CPLANE1: variants seen among roughly 807,000 people sequenced by gnomAD.
CPLANE1 encodes the protein ciliogenesis and planar polarity effector 1.
CPLANE1 carries 263 observed loss-of-function variants against 362.5 expected under a neutral mutation model. That is an observed-to-expected ratio of 0.73 (90% CI 0.66 to 0.80). The LOEUF (loss-of-function observed/expected upper bound fraction) is 0.80, where lower values mean the gene tolerates loss of function less well. CPLANE1 is among the 30% of genes least tolerant of loss of function. CPLANE1 has a pLI of 0.00. For missense variants in CPLANE1, 3,461 were observed against 3,793.4 expected, an observed-to-expected ratio of 0.91 and a Z score of 2.30; for synonymous variants, 1,212 against 1,302.6, an observed-to-expected ratio of 0.93 and a Z score of 1.50.
intron 21 of CPLANE1, among the ~76,000 whole-genome samples, chr5:37,190,481 G>A (rs911216204): frequency 2.0e-5 from 3 of 151,804 alleles, no homozygotes; most frequent in Non-Finnish European, 4.4e-5. Flanking sequence ...AGGAGGCTGA[G>A]GTAGAAGGAT....
chr5:37,153,845 A>G lies in CPLANE1; in HGVS notation c.8268T>C (p.Ala2756=). The G allele has an allele frequency of 6.2e-7, 1 of 1,614,146 alleles. No individual in the cohort carries two copies. Among genetic ancestry groups the G allele is most frequent in the Non-Finnish European group, 8.5e-7 (1 of 1,180,028 alleles). Residue 2756 remains alanine (A), a synonymous_variant, in exon 42 of 53, where the codon GCT becomes GCC. Coordinates refer to ENST00000651892, the MANE Select transcript of CPLANE1 (RefSeq NM_001384732.1). The part of the protein sequence containing the change: ...SAAHQLEHLS[A]KLQKIDEQLL... ...ACTGCTCGTCAATTTTCTGAAGCTT[A>G]GCACTGAGATGCTCTAGTTGGTGAG...
At chr5:37,190,407 A>G (rs896606685) in intron 21 of CPLANE1, among the ~76,000 whole-genome samples, 1 of 151,146 alleles carries the variant, frequency 6.6e-6, no homozygotes, top group African/African-American at 2.5e-5. Context: ...GTCTTTATGA[A>G]AAAATGAAAA....
At position 37,138,781 on chromosome 5, in the gene CPLANE1, T is replaced by C. The variant is rs1291503086; in HGVS notation, c.8731A>G (p.Ile2911Val). Residue 2911 changes from isoleucine to valine, a missense_variant, in exon 46 of 53, where the codon ATT becomes GTT. Physicochemically the swap from Ile to Val is conservative, Grantham distance 29. Around this residue, in one of 2 missense-constraint regions of CPLANE1, gnomAD observed 3,380 missense variants for 3,666.1 expected, o/e 0.92. Coordinates refer to ENST00000651892, the MANE Select transcript of CPLANE1 (RefSeq NM_001384732.1). ...DIADIIDDLI[I>V]KDGVSSEELG... ...TCTTCACTGGAAACTCCGTCTTTAA[T>C]TATAAGGTCATCAATAATGTCTGCA... 1.2e-6 allele frequency: 2 copies of C among 1,613,274 alleles called. No homozygotes were observed. The highest frequency in any genetic ancestry group is 2.7e-5 in the African/African-American group (2 of 74,918).
intron 40 of CPLANE1, 63 bp from the exon 41 acceptor site, chr5:37,157,483 A>C (rs2150705696): frequency 7.9e-7 from 1 of 1,273,742 alleles, no homozygotes; most frequent in Non-Finnish European, 1.1e-6. Context: ...TATGAAAAGC[A>C]TTCAAAGACT....
At chr5:37,131,127 T>C (rs1765662845) in intron 46 of CPLANE1, among the ~76,000 whole-genome samples, 1 of 152,252 alleles carries the variant, frequency 6.6e-6, no homozygotes, top group Non-Finnish European at 1.5e-5. Context: ...TTGATAACTT[T>C]CCTTTTATAA....
chr5:37,153,524 A>G (rs1384732771), intron 42 of CPLANE1, among the ~76,000 whole-genome samples: 1 of 152,176 alleles, frequency 6.6e-6, no homozygotes, highest in African/African-American at 2.4e-5. Flanking sequence ...GTGGGTAAAG[A>G]CCAGGGATGC....
At chr5:37,243,264 A>C (rs1378116656) in intron 5 of CPLANE1, 145 bp from the exon 6 acceptor site, 10 of 539,418 alleles carry the variant, frequency 1.9e-5, no homozygotes, top group Non-Finnish European at 2.8e-5. Context: ...ATTAAGCTTA[A>C]GACTAAGTAA....
At chr5:37,114,609 A>G (rs969193051) in intron 51 of CPLANE1, among the ~76,000 whole-genome samples, 2 of 152,098 alleles carry the variant, frequency 1.3e-5, no homozygotes, top group African/African-American at 2.4e-5. Context: ...TTTAAAATTT[A>G]GTATTAAGGG....
Position 37,164,317 on chromosome 5 carries a change from T to G in CPLANE1, c.7544A>C (p.Glu2515Ala), listed in dbSNP as rs1777667503. 3.7e-6 allele frequency: 6 copies of G among 1,612,892 alleles called. No homozygotes were observed. Among genetic ancestry groups the G allele is most frequent in the Non-Finnish European group, 5.1e-6 (6 of 1,178,934 alleles). ...ATCCAAAGGATGGGAACCACAATGT[T>G]CTTGTTGTTCCTAAATGAATTCCCA... ...EIIKKPKEQQ[E>A]HCGSHPLDDF... The change falls in exon 37 of 53, where the codon GAA (glutamate) becomes GCA (alanine). Residue 2515 changes from glutamate (E) to alanine (A), a missense_variant. Physicochemically the swap from Glu to Ala is moderately radical, Grantham distance 107. This residue lies in a region of CPLANE1 where 3,380 missense variants were observed against 3,666.1 expected (regional missense o/e 0.92). Transcript: ENST00000651892.
At position 37,243,731 on chromosome 5, in the gene CPLANE1, TATATA is replaced by T. The variant is rs1488787595; in HGVS notation, c.571-617_571-613del. 2.5e-4 allele frequency among the ~76,000 whole-genome samples: 36 copies of T among 146,520 alleles called. 1 individual carries two copies. In the East Asian group the frequency reaches 4.1e-3, roughly 17 times the overall value. ...TATAATATATAATATACATGTATTA[TATATA>T]ATATATAATATGCATATAATATATA... On this transcript the variant is annotated intron_variant, in intron 5 of 52. Coordinates refer to ENST00000651892, the MANE Select transcript of CPLANE1 (RefSeq NM_001384732.1).
chr5:37,156,630 G>T (rs1775185673), intron 41 of CPLANE1, among the ~76,000 whole-genome samples: 1 of 151,868 alleles, frequency 6.6e-6, no homozygotes, highest in Non-Finnish European at 1.5e-5. Context: ...ACATATATAT[G>T]TATTTTATTA....
In CPLANE1 at chr5:37,169,102, T is replaced by C. The variant is rs1779064194; in HGVS notation, c.6922A>G (p.Ile2308Val). The C allele has an allele frequency of 1.2e-6, 2 of 1,614,134 alleles. No individual in the cohort carries two copies. The highest frequency in any genetic ancestry group is 1.3e-5 in the African/African-American group (1 of 74,940). The change falls in exon 34 of 53, where the codon ATT becomes GTT. Residue 2308 changes from isoleucine to valine, a missense_variant. This residue lies in a region of CPLANE1 where 3,380 missense variants were observed against 3,666.1 expected (regional missense o/e 0.92). Coordinates refer to ENST00000651892, the MANE Select transcript of CPLANE1 (RefSeq NM_001384732.1). ...TTCACATGATTAGGAATTTCTGTAA[T>C]TACAGTTTCTGCCCACGTCTTCTGC... ...VEQKTWAETV[I>V]TEIPNHVNLD...
chr5:37,168,952 C>G lies in CPLANE1; in HGVS notation c.7072G>C (p.Gly2358Arg). The G allele has an allele frequency of 6.2e-7, 1 of 1,614,046 alleles. No individual in the cohort carries two copies. The highest frequency in any genetic ancestry group is 8.5e-7 in the Non-Finnish European group (1 of 1,179,990). Residue 2358 changes from glycine (G) to arginine (R), a missense_variant, in exon 34 of 53, where the codon GGA becomes CGA. Physicochemically the swap from Gly to Arg is moderately radical, Grantham distance 125 (BLOSUM62 -2). Around this residue, in one of 2 missense-constraint regions of CPLANE1, gnomAD observed 3,380 missense variants for 3,666.1 expected, o/e 0.92. Coordinates refer to ENST00000651892, the MANE Select transcript of CPLANE1 (RefSeq NM_001384732.1). ...AGTGGCAGGTATAGTAACGGAAGTC[C>G]AAAGGAATGGTGAGGAGATATCTCA... ...TLEISPHHSF[G>R]LPLLYLPLKP...
At position 37,238,858 on chromosome 5, in the gene CPLANE1, T is replaced by G; in HGVS notation, c.937A>C (p.Arg313=). Residue 313 remains arginine, a splice_region_variant and synonymous_variant, in exon 8 of 53, where the codon AGG becomes CGG. Transcript: ENST00000651892. The part of the protein sequence containing the change: ...KSPVVPATLI[R]SYWVGDISWT... ...AAAGACAGACAAAAGAGTTCTTACC[T>G]AATAAGTGTAGCTGGAACCACGGGA... 1 of 1,480,906 alleles carries G rather than the reference T, an allele frequency of 6.8e-7. No individual in the cohort carries two copies. The highest frequency in any genetic ancestry group is 9.0e-7 in the Non-Finnish European group (1 of 1,106,760). The allele number at this position is 1,480,906 out of a possible 1,614,324, so 91.7% of individuals were successfully genotyped here. A position where few individuals can be genotyped will look rare whatever the true frequency, so the allele number is the denominator to read the frequency against.
chr5:37,248,272 C>G (rs1740500339), intron 1 of CPLANE1, among the ~76,000 whole-genome samples: 1 of 151,774 alleles, frequency 6.6e-6, no homozygotes, highest in Non-Finnish European at 1.5e-5. Context: ...GGATTACAGG[C>G]ATGCACCACC....
intron 41 of CPLANE1, among the ~76,000 whole-genome samples, chr5:37,157,099 A>G (rs1052678987): frequency 3.9e-5 from 6 of 152,252 alleles, no homozygotes; most frequent in African/African-American, 7.2e-5. Context: ...TTGAGAAAAG[A>G]CATATGCATA....
chr5:37,181,895 A>G (rs1580488765), intron 26 of CPLANE1, among the ~76,000 whole-genome samples: 1 of 151,802 alleles, frequency 6.6e-6, no homozygotes, highest in Non-Finnish European at 1.5e-5. Flanking sequence ...GTTTGAGACC[A>G]CCCTAGCCAA....
intron 22 of CPLANE1, 34 bp downstream of exon 22, chr5:37,187,699 T>C (rs1374078172): frequency 2.5e-6 from 4 of 1,580,564 alleles, no homozygotes; most frequent in Non-Finnish European, 3.5e-6. Context: ...ACTTAACGTG[T>C]GTTCATTTTT....
At position 37,157,702 on chromosome 5, in the gene CPLANE1, T is replaced by C; in HGVS notation, c.7979A>G (p.Asn2660Ser). 6.2e-7 allele frequency: 1 copy of C among 1,613,866 alleles called. No individual in the cohort carries two copies. Residue 2660 changes from asparagine to serine, a missense_variant, in exon 40 of 53, where the codon AAT (asparagine) becomes AGT (serine). Around this residue, in one of 2 missense-constraint regions of CPLANE1, gnomAD observed 3,380 missense variants for 3,666.1 expected, o/e 0.92. Coordinates refer to ENST00000651892, the MANE Select transcript of CPLANE1 (RefSeq NM_001384732.1). ...CTTAAAATTATGTGGGGGAACAGCA[T>C]TAGTAACTGAAGCTGCCATATAATG... Reference protein sequence around the residue: ...ELHYMAASVTNAVPPHNFKSQ... With the variant: ...ELHYMAASVTSAVPPHNFKSQ...
Sources: allele counts gnomAD v4.1 joint callset (sites outside exome capture counted in the v4.1 genomes callset), GRCh38; gene constraint gnomAD v4.1.1; regional missense constraint gnomAD v4.1.1; transcripts MANE v1.5; gene names NCBI Gene and HGNC (gene_info 2026-07-23, HGNC 2026-07-21).